The following CCM2 variants were observed in gnomAD, a reference collection of about 807,000 sequenced individuals.
CCM2 encodes the protein cerebral cavernous malformations 2 protein.
A neutral mutation model predicts 44.9 loss-of-function variants in CCM2; 25 were observed. That is an observed-to-expected ratio of 0.56 (90% CI 0.41 to 0.78). The LOEUF is 0.78. Ranked by LOEUF, CCM2 falls within the 30% of genes least tolerant of loss-of-function variation. CCM2 has a pLI of 0.00. For synonymous variants in CCM2, 219 were observed against 241.1 expected (o/e 0.91, Z 0.85); for missense variants, 481 against 580.6 (o/e 0.83, Z 1.76).
chr7:45,069,731 T>C, intron 5 of CCM2, 95 bp from the exon 6 acceptor site: 2 of 1,482,216 alleles, frequency 1.3e-6, no homozygotes, highest in Non-Finnish European at 1.9e-6. Flanking sequence ...TTCATGTTTA[T>C]TGAGCATCTG....
chr7:45,057,222 G>C (rs10251894), intron 2 of CCM2, among the ~76,000 whole-genome samples: 20,139 of 151,770 alleles, frequency 0.13, 1,646 homozygotes, highest in Middle Eastern at 0.22. Context: ...GAGTGCAGTG[G>C]TATGATCTCG....
chr7:45,021,663 C>T, intron 1 of CCM2, among the ~76,000 whole-genome samples: 1 of 151,738 alleles, frequency 6.6e-6, no homozygotes, highest in Non-Finnish European at 1.5e-5. Flanking sequence ...GTGCAGTTTG[C>T]AGAGTGAGTG....
At chr7:45,003,042 G>T (rs546990779) in intron 1 of CCM2, among the ~76,000 whole-genome samples, 20 of 152,134 alleles carry the variant, frequency 1.3e-4, no homozygotes, top group Non-Finnish European at 2.5e-4. Flanking sequence ...CCTACCTACG[G>T]TATGGACTCA....
At chr7:45,016,284 GA>G (rs1283216130) in intron 1 of CCM2, among the ~76,000 whole-genome samples, 4 of 152,214 alleles carry the variant, frequency 2.6e-5, no homozygotes, top group African/African-American at 9.6e-5. Flanking sequence ...AATATTCATG[GA>G]GGGGGTCCTG....
intron 4 of CCM2, among the ~76,000 whole-genome samples, chr7:45,067,101 C>T (rs942652341): frequency 4.0e-5 from 6 of 151,890 alleles, no homozygotes; most frequent in South Asian, 2.1e-4. Context: ...AGTATTTCAC[C>T]GTGTTAGCCA....
Position 45,075,953 on chromosome 7 carries a change from G to A in CCM2, c.1231G>A (p.Asp411Asn). 3 of 1,613,164 alleles carry A rather than the reference G, an allele frequency of 1.9e-6. No homozygotes were observed. The highest frequency in any genetic ancestry group is 2.5e-6 in the Non-Finnish European group (3 of 1,180,024). ...GAACAGGGCCACGGGCAGCTCTGATGACCGGTCGGCACCCTCAGAGGGGGA... is the reference window on the plus strand; with the variant it reads ...GAACAGGGCCACGGGCAGCTCTGATAACCGGTCGGCACCCTCAGAGGGGGA... ...NGNRATGSSD[D>N]RSAPSEGDEW... The change falls in exon 10 of 10, where the codon GAC becomes AAC. Residue 411 changes from aspartate to asparagine, a missense_variant. Transcript: ENST00000258781.
intron 6 of CCM2, chr7:45,070,503 G>T: frequency 2.2e-6 from 1 of 455,394 alleles, no homozygotes; most frequent in Non-Finnish European, 4.4e-6. Flanking sequence ...GTCTCTTCCT[G>T]CATGGCCCAC....
intron 1 of CCM2, among the ~76,000 whole-genome samples, chr7:45,036,656 C>G (rs1187040523): frequency 6.6e-6 from 1 of 152,082 alleles, no homozygotes; most frequent in Non-Finnish European, 1.5e-5. Context: ...CTGCAATTGT[C>G]TGTGAAATTG....
At chr7:45,016,234 C>G (rs1428963476) in intron 1 of CCM2, among the ~76,000 whole-genome samples, 1 of 152,200 alleles carries the variant, frequency 6.6e-6, no homozygotes, top group East Asian at 1.9e-4. Flanking sequence ...TTGTGCTGAC[C>G]AAGTATATAC....
intron 1 of CCM2, among the ~76,000 whole-genome samples, chr7:45,001,123 A>G (rs1221299526): frequency 6.6e-6 from 1 of 152,222 alleles, no homozygotes; most frequent in East Asian, 1.9e-4. Context: ...ACAAGTTTAA[A>G]GCAGACCTCG....
intron 1 of CCM2, among the ~76,000 whole-genome samples, chr7:45,015,359 G>A (rs1796224112): frequency 6.6e-6 from 1 of 152,092 alleles, no homozygotes; most frequent in Admixed American, 6.5e-5. Context: ...GCTGTGCTAG[G>A]CAAACTCAGC....
At position 45,075,898 on chromosome 7, in the gene CCM2, G is replaced by C. The variant is rs542561285; in HGVS notation, c.1176G>C (p.Leu392=). 1 of 1,613,260 alleles carries C rather than the reference G, an allele frequency of 6.2e-7. No individual in the cohort carries two copies. The highest frequency in any genetic ancestry group is 2.2e-5 in the East Asian group (1 of 44,886). The change falls in exon 10 of 10, where the codon CTG becomes CTC. Residue 392 remains leucine, a synonymous_variant. Coordinates refer to ENST00000258781, the MANE Select transcript of CCM2 (RefSeq NM_031443.4). ...TDSFGRHRRA[L]STTSSSTTNG... is the part of the protein sequence containing the mutation. Reference sequence around the variant, plus strand: ...GCTTTGGCAGGCACCGGCGGGCCCTGAGCACCACATCCAGTTCCACCACCA... The same window carrying C: ...GCTTTGGCAGGCACCGGCGGGCCCTCAGCACCACATCCAGTTCCACCACCA...
At chr7:45,049,871 A>C (rs556682249) in intron 2 of CCM2, among the ~76,000 whole-genome samples, 225 of 152,362 alleles carry the variant, frequency 1.5e-3, no homozygotes, top group African/African-American at 5.1e-3. Flanking sequence ...CAATAAAAAA[A>C]CCACTACAAC....
intron 1 of CCM2, among the ~76,000 whole-genome samples, chr7:45,026,049 A>G (rs1467830282): frequency 9.9e-5 from 15 of 152,026 alleles, no homozygotes; most frequent in Non-Finnish European, 1.5e-5. Flanking sequence ...CTTTTTAGTC[A>G]TGTCTATTTC....
chr7:45,009,486 C>T (rs923929580), intron 1 of CCM2, among the ~76,000 whole-genome samples: 2 of 144,076 alleles, frequency 1.4e-5, no homozygotes, highest in African/African-American at 2.5e-5. Flanking sequence ...CTCATTGCAA[C>T]CTCCGCCTCC....
In CCM2 at chr7:45,000,264, C is replaced by T. The variant is rs956034379; in HGVS notation, c.-70C>T. ...GCGGGGGCGGCGGGCCCGGGTCGAG[C>T]ATGTAGCGGCTGCTGGCGGCGGGGC... On this transcript the variant is annotated 5_prime_UTR_variant, in exon 1 of 10. Coordinates refer to ENST00000258781, the MANE Select transcript of CCM2 (RefSeq NM_031443.4). 2.9e-6 allele frequency: 3 copies of T among 1,019,406 alleles called. No homozygotes were observed. The African/African-American group carries it at 5.5e-5, about 19-fold the overall frequency. The allele number at this position is 1,019,406 out of a possible 1,614,324, so 63.1% of individuals were successfully genotyped here.
chr7:45,002,431 C>G (rs912058822), intron 1 of CCM2, among the ~76,000 whole-genome samples: 1 of 151,888 alleles, frequency 6.6e-6, no homozygotes, highest in African/African-American at 2.4e-5. Flanking sequence ...TAGCCAGGCG[C>G]GGCAGCGCTC....
chr7:45,055,458 G>T (rs1018863529), intron 2 of CCM2, among the ~76,000 whole-genome samples: 1 of 152,210 alleles, frequency 6.6e-6, no homozygotes, highest in Non-Finnish European at 1.5e-5. Context: ...GGAGGCTAAG[G>T]CGGGTGGATC....
intron 8 of CCM2, chr7:45,073,834 G>A (rs545750298): frequency 6.2e-5 from 35 of 565,936 alleles, no homozygotes; most frequent in Non-Finnish European, 1.0e-4. Context: ...TGGGGGAGGG[G>A]AGGGAACGGT....
Sources: allele counts gnomAD v4.1 joint callset (sites outside exome capture counted in the v4.1 genomes callset), GRCh38; gene constraint gnomAD v4.1.1; transcripts MANE v1.5; gene names NCBI Gene and HGNC (gene_info 2026-07-23, HGNC 2026-07-21).